Variants in TRDN observed in about 807,000 individuals in gnomAD.
The protein encoded by TRDN is triadin, also known as triadin in skeletal muscle.
TRDN carries 161 observed loss-of-function variants against 149.7 expected under a neutral mutation model. The observed-to-expected ratio is 1.08, with a 90% CI of 0.95 to 1.23. The LOEUF is 1.23. Ranked by LOEUF, TRDN falls within the 50% of genes most tolerant of loss-of-function variation. The probability of loss-of-function intolerance (pLI) is 0.00; values close to 1 mark genes in which losing one functional copy is unlikely to be tolerated. For missense variants in TRDN, 896 were observed against 823.5 expected (o/e 1.09, Z -1.08); for synonymous variants, 294 against 250.5 (o/e 1.17, Z -1.64).
chr6:123,273,504 A>G (rs1777273395), intron 27 of TRDN, 141 bp from the exon 28 acceptor site: 1 of 337,570 alleles, frequency 3.0e-6, no homozygotes. Context: ...AAGAAAAGTA[A>G]AACTGGCAAA....
At chr6:123,635,559 T>C (rs1442610709) in intron 1 of TRDN, among the ~76,000 whole-genome samples, 2 of 152,004 alleles carry the variant, frequency 1.3e-5, no homozygotes, top group African/African-American at 4.8e-5. Flanking sequence ...TTGTTATTAA[T>C]ACGAGGTGTC....
chr6:123,610,417 C>T (rs1583319915), intron 1 of TRDN, among the ~76,000 whole-genome samples: 1 of 152,212 alleles, frequency 6.6e-6, no homozygotes, highest in East Asian at 1.9e-4. Context: ...ACTCTCATTC[C>T]ATGTCGCTAT....
chr6:123,362,883 G>A (rs1780955416), intron 20 of TRDN, among the ~76,000 whole-genome samples: 1 of 151,996 alleles, frequency 6.6e-6, no homozygotes, highest in South Asian at 2.1e-4. Flanking sequence ...CAAATATATG[G>A]TGAGTAAATA....
chr6:123,307,085 G>A (rs1409420273), intron 24 of TRDN, among the ~76,000 whole-genome samples: 1 of 151,990 alleles, frequency 6.6e-6, no homozygotes, highest in African/African-American at 2.4e-5. Flanking sequence ...GGAAAACATT[G>A]TCTAATATTG....
chr6:123,555,593 A>G (rs1385814281), intron 2 of TRDN, among the ~76,000 whole-genome samples: 1 of 152,122 alleles, frequency 6.6e-6, no homozygotes, highest in Non-Finnish European at 1.5e-5. Context: ...GCAACACTTG[A>G]TATTTTGGCA....
Position 123,614,288 on chromosome 6 carries a change from T to TAAA in TRDN, c.22+22463_22+22465dup, listed in dbSNP as rs1216969453. 2.0e-4 allele frequency among the ~76,000 whole-genome samples: 12 copies of TAAA among 59,310 alleles called. 1 individual carries two copies. Among genetic ancestry groups the TAAA allele is most frequent in the East Asian group, 5.9e-4 (1 of 1,706 alleles). The allele number at this position is 59,310 out of a possible 152,430, so 38.9% of individuals were successfully genotyped here. On this transcript the variant is annotated intron_variant, in intron 1 of 40. Coordinates refer to ENST00000334268, the MANE Select transcript of TRDN (RefSeq NM_006073.4). Reference sequence around the variant, plus strand: ...ATGTTACCGTGGGAAAGTGCTTCATTAAAAAAAAAAACAAAAAAAAAAAAA... The same window carrying TAAA: ...ATGTTACCGTGGGAAAGTGCTTCATTAAAAAAAAAAAAAACAAAAAAAAAAAAA...
At chr6:123,562,005 C>A (rs866517967) in intron 2 of TRDN, among the ~76,000 whole-genome samples, 1 of 152,138 alleles carries the variant, frequency 6.6e-6, no homozygotes, top group African/African-American at 2.4e-5. Flanking sequence ...ATCCAGATAG[C>A]CAGTTCCTGC....
At chr6:123,378,098 G>C (rs768297136) in intron 16 of TRDN, among the ~76,000 whole-genome samples, 200 bp from the exon 17 acceptor site, 1 of 151,576 alleles carries the variant, frequency 6.6e-6, no homozygotes, top group Non-Finnish European at 1.5e-5. Context: ...TTCCTTATGG[G>C]GCAGCATCAA....
At chr6:123,482,684 G>T (rs1777798062) in intron 9 of TRDN, among the ~76,000 whole-genome samples, 1 of 152,154 alleles carries the variant, frequency 6.6e-6, no homozygotes, top group South Asian at 2.1e-4. Context: ...GTTTCTAACA[G>T]GGAGTTTCAA....
chr6:123,546,208 T>C (rs1174042681), intron 4 of TRDN, among the ~76,000 whole-genome samples: 1 of 152,150 alleles, frequency 6.6e-6, no homozygotes, highest in African/African-American at 2.4e-5. Context: ...ACTTGAGTTC[T>C]CATTCTGGAT....
At chr6:123,314,141 C>G (rs1423415977) in intron 24 of TRDN, among the ~76,000 whole-genome samples, 1 of 151,894 alleles carries the variant, frequency 6.6e-6, no homozygotes, top group Non-Finnish European at 1.5e-5. Flanking sequence ...GGAATTTAAA[C>G]AAATTTACAA....
At chr6:123,259,726 T>G in intron 34 of TRDN, 64 bp from the exon 35 acceptor site, 2 of 1,187,324 alleles carry the variant, frequency 1.7e-6, no homozygotes, top group African/African-American at 3.1e-5. Flanking sequence ...TACTCATTCT[T>G]GGAGTAAACA....
chr6:123,534,727 T>C (rs1254069669), intron 4 of TRDN, among the ~76,000 whole-genome samples: 1 of 152,204 alleles, frequency 6.6e-6, no homozygotes, highest in Non-Finnish European at 1.5e-5. Flanking sequence ...GTTTTCTATA[T>C]TATGTTAATA....
chr6:123,414,234 G>A (rs1005035124), intron 12 of TRDN, among the ~76,000 whole-genome samples: 2 of 151,978 alleles, frequency 1.3e-5, no homozygotes, highest in Non-Finnish European at 2.9e-5. Context: ...TTAACCTTAA[G>A]GTTACTAAAT....
chr6:123,254,962 T>G (rs574323820), intron 37 of TRDN, 119 bp downstream of exon 37: 1 of 643,312 alleles, frequency 1.6e-6, no homozygotes, highest in Non-Finnish European at 2.8e-6. Flanking sequence ...CCTCTGCTAT[T>G]AAGAGAAGTT....
In TRDN at chr6:123,267,914, A is replaced by G. The variant is rs140500317; in HGVS notation, c.1739-163T>C. Among the ~76,000 whole-genome samples the G allele has an allele frequency of 8.2e-3, 1,254 of 152,262 alleles. 12 individuals are homozygous for G. The highest frequency in any genetic ancestry group is 0.013 in the Non-Finnish European group (903 of 68,002). On this transcript the variant is annotated intron_variant, in intron 31 of 40. Transcript: ENST00000334268. ...AAGCATATTGCCATAAAAAAATTAT[A>G]AACAGGGTTAGGTTCTTTCTCAGGA...
At chr6:123,254,942 C>T (rs759255304) in intron 37 of TRDN, 139 bp downstream of exon 37, 2 of 601,602 alleles carry the variant, frequency 3.3e-6, no homozygotes, top group South Asian at 1.7e-5. Context: ...GATTTTCTAC[C>T]TGTCCACTTC....
intron 38 of TRDN, among the ~76,000 whole-genome samples, chr6:123,237,655 C>T (rs567395428): frequency 6.6e-6 from 1 of 152,060 alleles, no homozygotes; most frequent in South Asian, 2.1e-4. Context: ...TTTGTTTTTT[C>T]CTTTCCAAAT....
rs1472426338 is a variant in TRDN, at chr6:123,423,883, T to A, written c.1051+14180A>T. ...AAAATAAATCATCTTCCTTTTTTCC[T>A]TTTTACTTAAAGACTATGGACAGCA... On this transcript the variant is annotated intron_variant, in intron 12 of 40. Coordinates refer to ENST00000334268, the MANE Select transcript of TRDN (RefSeq NM_006073.4). 2.6e-5 allele frequency among the ~76,000 whole-genome samples: 4 copies of A among 152,230 alleles called. No homozygotes were observed. The East Asian group carries it at 7.7e-4, about 29-fold the overall frequency.
Sources: allele counts gnomAD v4.1 joint callset (sites outside exome capture counted in the v4.1 genomes callset), GRCh38; gene constraint gnomAD v4.1.1; transcripts MANE v1.5; gene names NCBI Gene and HGNC (gene_info 2026-07-23, HGNC 2026-07-21).